NRG3: variants seen among roughly 807,000 people sequenced by gnomAD.
NRG3 encodes neuregulin 3.
In NRG3, 31 loss-of-function variants were observed where a neutral mutation model predicts 66.9. The ratio of observed to expected loss-of-function variants is 0.46; its 90% CI spans 0.35 to 0.63. The LOEUF is 0.63. NRG3 is among the 20% of genes least tolerant of loss of function. The pLI is 0.00. For missense variants in NRG3, 910 were observed against 878.9 expected (o/e 1.04, Z -0.45); for synonymous variants, 393 against 359.4 (o/e 1.09, Z -1.06).
chr10:82,891,583 T>C lies in NRG3; in HGVS notation c.1054+26146T>C, dbSNP rs569879621. On this transcript the variant is annotated intron_variant, in intron 4 of 8. Coordinates refer to ENST00000372141, the MANE Select transcript of NRG3 (RefSeq NM_001010848.4). Reference sequence around the variant, plus strand: ...TGAATTTTTAAATTTCATTTTATGCTCATTATCGTTACAGAGAAATTCAGT... The same window carrying C: ...TGAATTTTTAAATTTCATTTTATGCCCATTATCGTTACAGAGAAATTCAGT... Among the ~76,000 whole-genome samples the C allele has an allele frequency of 9.9e-5, 15 of 152,124 alleles. No individual in the cohort carries two copies. The South Asian group carries it at 2.1e-3, about 21-fold the overall frequency.
intron 1 of NRG3, among the ~76,000 whole-genome samples, chr10:81,895,418 GC>G (rs1471925140): frequency 6.6e-6 from 1 of 152,098 alleles, no homozygotes; most frequent in African/African-American, 2.4e-5. Context: ...GCAGTTTTAA[GC>G]CCCGCCCCTG....
At chr10:82,515,037 T>G (rs1214070786) in intron 2 of NRG3, among the ~76,000 whole-genome samples, 1 of 152,194 alleles carries the variant, frequency 6.6e-6, no homozygotes, top group Admixed American at 6.5e-5. Flanking sequence ...TGTGAGGGCC[T>G]CTGCTGCTCC....
chr10:82,814,511 A>G lies in NRG3; in HGVS notation c.1028-50900A>G, dbSNP rs555560855. On this transcript the variant is annotated intron_variant, in intron 3 of 8. Coordinates refer to ENST00000372141, the MANE Select transcript of NRG3 (RefSeq NM_001010848.4). ...AAGCCTGTGGAGCCAGGTTTATGAT[A>G]TGGGAAATTTCTTGATCCTAGTGTT... 2.0e-5 allele frequency among the ~76,000 whole-genome samples: 3 copies of G among 152,292 alleles called. No homozygotes were observed. In the East Asian group the frequency reaches 5.8e-4, roughly 29 times the overall value.
intron 1 of NRG3, among the ~76,000 whole-genome samples, chr10:82,189,359 A>G (rs569113472): frequency 1.3e-5 from 2 of 152,268 alleles, no homozygotes; most frequent in African/African-American, 4.8e-5. Flanking sequence ...GTTGTTATAT[A>G]TATTAAGAAA....
At chr10:82,154,203 A>G (rs944129763) in intron 1 of NRG3, among the ~76,000 whole-genome samples, 1 of 151,958 alleles carries the variant, frequency 6.6e-6, no homozygotes, top group Non-Finnish European at 1.5e-5. Context: ...TTTAAATTTC[A>G]GGCCTTATAT....
intron 1 of NRG3, chr10:82,225,652 T>C (rs1473951442): frequency 6.6e-6 from 1 of 152,144 alleles, no homozygotes; most frequent in African/African-American, 2.4e-5. Flanking sequence ...ATCAGTGTGA[T>C]TATGAGAAAG....
At chr10:82,890,706 GT>G (rs1843076892) in intron 4 of NRG3, among the ~76,000 whole-genome samples, 1 of 152,126 alleles carries the variant, frequency 6.6e-6, no homozygotes, top group African/African-American at 2.4e-5. Context: ...TTGTGTTGTG[GT>G]TTTGTTGTTT....
intron 2 of NRG3, among the ~76,000 whole-genome samples, chr10:82,476,319 A>G (rs1273796974): frequency 6.6e-6 from 1 of 152,222 alleles, no homozygotes; most frequent in Non-Finnish European, 1.5e-5. Flanking sequence ...AATTAAAAAT[A>G]AAACTACTTT....
chr10:82,618,768 T>G (rs2048835848), intron 2 of NRG3, among the ~76,000 whole-genome samples: 1 of 152,078 alleles, frequency 6.6e-6, no homozygotes, highest in African/African-American at 2.4e-5. Context: ...TTTCTGAAAA[T>G]TATGGTGTCA....
rs139562434 is a variant in NRG3, at chr10:82,801,329, T to C, written c.1027+62679T>C. On this transcript the variant is annotated intron_variant, in intron 3 of 8. Transcript: ENST00000372141. ...TAAGAGCGTAAGACTGAAGTAACTA[T>C]GAAAACTTATAGTTGAAGTGGTCAC... 5.0e-3 allele frequency among the ~76,000 whole-genome samples: 762 copies of C among 152,320 alleles called. 2 individuals carry two copies. Among genetic ancestry groups the C allele is most frequent in the African/African-American group, 0.018 (734 of 41,568 alleles).
chr10:82,052,370 T>C (rs2063640950), intron 1 of NRG3, among the ~76,000 whole-genome samples: 1 of 146,400 alleles, frequency 6.8e-6, no homozygotes, highest in Non-Finnish European at 1.5e-5. Flanking sequence ...CTTGTAATTC[T>C]GCTCTTTCCA....
At chr10:82,869,113 A>G (rs570442086) in intron 4 of NRG3, among the ~76,000 whole-genome samples, 1 of 152,364 alleles carries the variant, frequency 6.6e-6, no homozygotes, top group African/African-American at 2.4e-5. Context: ...ATGTAGGCAT[A>G]GTCTATATGT....
chr10:82,669,917 G>A (rs1157463462), intron 2 of NRG3, among the ~76,000 whole-genome samples: 1 of 149,760 alleles, frequency 6.7e-6, no homozygotes, highest in Non-Finnish European at 1.5e-5. Context: ...GACAGAGAGA[G>A]ACTCTGTCTC....
At chr10:82,156,694 C>T (rs1401744451) in intron 1 of NRG3, among the ~76,000 whole-genome samples, 2 of 151,540 alleles carry the variant, frequency 1.3e-5, no homozygotes, top group Non-Finnish European at 3.0e-5. Flanking sequence ...GTCTACCTGC[C>T]AGAGTGCTTT....
intron 1 of NRG3, among the ~76,000 whole-genome samples, chr10:81,915,942 G>A (rs1265262976): frequency 6.6e-6 from 1 of 151,818 alleles, no homozygotes; most frequent in East Asian, 1.9e-4. Context: ...TATAATATAA[G>A]CCCCATCTGT....
chr10:82,398,489 G>T (rs1589982844), intron 2 of NRG3, among the ~76,000 whole-genome samples: 1 of 131,434 alleles, frequency 7.6e-6, no homozygotes, highest in African/African-American at 3.6e-5. Flanking sequence ...TTGGCTTCGT[G>T]TATGTGTGTG....
At position 82,574,520 on chromosome 10, in the gene NRG3, G is replaced by C. The variant is rs980238912; in HGVS notation, c.954-164057G>C. Among the ~76,000 whole-genome samples the C allele has an allele frequency of 1.1e-4, 16 of 151,874 alleles. No individual in the cohort carries two copies. In the East Asian group the frequency reaches 3.1e-3, roughly 30 times the overall value. ...TATAGTGTATTTTTCAAAATAGCTA[G>C]AAGAAAAGATTTGAAATTTGTTCCC... On this transcript the variant is annotated intron_variant, in intron 2 of 8. Coordinates refer to ENST00000372141, the MANE Select transcript of NRG3 (RefSeq NM_001010848.4).
chr10:82,598,052 C>G (rs1461677180), intron 2 of NRG3, among the ~76,000 whole-genome samples: 2 of 152,112 alleles, frequency 1.3e-5, no homozygotes, highest in African/African-American at 4.8e-5. Flanking sequence ...TCCTAGAGCT[C>G]TGCTGTGTTG....
At chr10:82,492,594 T>C (rs1042652016) in intron 2 of NRG3, among the ~76,000 whole-genome samples, 2 of 152,152 alleles carry the variant, frequency 1.3e-5, no homozygotes, top group African/African-American at 4.8e-5. Context: ...CTAAAAGTAG[T>C]CTTAGGTATT....
Sources: gnomAD v4.1 joint callset for allele counts (sites outside exome capture counted in the v4.1 genomes callset) on GRCh38, gnomAD v4.1.1 for gene constraint, MANE v1.5 for transcripts, NCBI Gene and HGNC (gene_info 2026-07-23, HGNC 2026-07-21) for gene names.